ST14: variants seen among roughly 807,000 people sequenced by gnomAD.
ST14 encodes the protein suppressor of tumorigenicity 14 protein.
In ST14, 40 loss-of-function variants were observed where a neutral mutation model predicts 96.5. The observed-to-expected ratio is 0.41, with a 90% CI of 0.32 to 0.54. The LOEUF (loss-of-function observed/expected upper bound fraction) is 0.54. ST14 is among the 20% of genes least tolerant of loss of function. ST14 has a pLI of 0.17. For synonymous variants in ST14, 506 were observed against 492.1 expected (o/e 1.03, Z -0.37); for missense variants, 1,066 against 1,188.9 (o/e 0.90, Z 1.52).
chr11:130,168,513 G>A (rs1185529030), intron 1 of ST14, among the ~76,000 whole-genome samples: 4 of 152,194 alleles, frequency 2.6e-5, no homozygotes, highest in African/African-American at 9.6e-5. Context: ...TAGTGCAGAG[G>A]TGATTGCAGT....
chr11:130,198,812 C>T, intron 14 of ST14, 135 bp from the exon 15 acceptor site: 1 of 1,565,626 alleles, frequency 6.4e-7, no homozygotes. Context: ...GGCAGGGAGG[C>T]CAGTGGGCGT....
At chr11:130,198,463 C>T (rs773817708) in intron 13 of ST14, 45 bp downstream of exon 13, 23 of 1,612,086 alleles carry the variant, frequency 1.4e-5, no homozygotes, top group African/African-American at 5.3e-5. Flanking sequence ...GTGGGCGGGG[C>T]GACTGACGGT....
At chr11:130,201,383 G>A (rs1008283575) in intron 16 of ST14, among the ~76,000 whole-genome samples, 1 of 152,260 alleles carries the variant, frequency 6.6e-6, no homozygotes, top group Admixed American at 6.5e-5. Context: ...GCAGCTCCAG[G>A]AGCAGGTGAC....
intron 5 of ST14, 94 bp downstream of exon 5, chr11:130,189,990 G>C (rs1953279015): frequency 6.2e-7 from 1 of 1,610,480 alleles, no homozygotes; most frequent in Non-Finnish European, 8.5e-7. Flanking sequence ...GGCACTCCCA[G>C]GGCCCAGTGC....
At position 130,196,556 on chromosome 11, in the gene ST14, C is replaced by CA. The variant is rs1953367020; in HGVS notation, c.1224-14_1224-13insA. ...AGCTGTCCCTCCTCACCTTGTGCCC[C>CA]GCCCCCCCTCCAGATACTGCGGAGA... is the stretch of plus-strand genomic sequence containing the variant. On this transcript the variant is annotated splice_polypyrimidine_tract_variant and intron_variant, in intron 10 of 18. Coordinates refer to ENST00000278742, the MANE Select transcript of ST14 (RefSeq NM_021978.4). 4 of 1,491,040 alleles carry CA rather than the reference C, an allele frequency of 2.7e-6. No homozygotes were observed. The highest frequency in any genetic ancestry group is 2.4e-5 in the East Asian group (1 of 41,138). 92.4% of individuals were successfully genotyped at this position (1,491,040 alleles called of 1,614,324 possible). A position where few individuals can be genotyped will look rare whatever the true frequency, so the allele number is the denominator to read the frequency against.
chr11:130,196,692 C>G lies in ST14; in HGVS notation c.1346C>G (p.Ser449Cys). The change falls in exon 11 of 19, where the codon TCC becomes TGC. Residue 449 changes from serine (S) to cysteine (C), a missense_variant. Coordinates refer to ENST00000278742, the MANE Select transcript of ST14 (RefSeq NM_021978.4). ...TTAGCTGAATACCTCTCCTACGACT[C>G]CAGTGACCGTGAGTGAACATTGTTG... ...GFLAEYLSYD[S>C]SDPCPGQFTC... 1 of 1,614,230 alleles carries G rather than the reference C, an allele frequency of 6.2e-7. No individual in the cohort carries two copies. Among genetic ancestry groups the G allele is most frequent in the Non-Finnish European group, 8.5e-7 (1 of 1,180,054 alleles).
At chr11:130,203,064 C>CA (rs1405660973) in intron 16 of ST14, among the ~76,000 whole-genome samples, 6 of 152,294 alleles carry the variant, frequency 3.9e-5, no homozygotes, top group African/African-American at 1.4e-4. Context: ...CAAATACTGT[C>CA]AGACTTACCG....
At chr11:130,161,898 T>C (rs1014402877) in intron 1 of ST14, among the ~76,000 whole-genome samples, 3 of 152,178 alleles carry the variant, frequency 2.0e-5, no homozygotes, top group African/African-American at 7.2e-5. Context: ...AATGCCAAAG[T>C]TAGCTGTGAG....
At position 130,198,631 on chromosome 11, in the gene ST14, G is replaced by T; in HGVS notation, c.1684+10G>T. 1.2e-6 allele frequency: 2 copies of T among 1,608,212 alleles called. No homozygotes were observed. Among genetic ancestry groups the T allele is most frequent in the Non-Finnish European group, 1.7e-6 (2 of 1,175,588 alleles). ...GCCTCCTGCCCCAAGGGTGAGGCCC[G>T]CCCCACCCATCTTCCTGTTGGGGGC... On this transcript the variant is annotated intron_variant, in intron 14 of 18. Transcript: ENST00000278742.
intron 1 of ST14, among the ~76,000 whole-genome samples, chr11:130,178,330 C>T (rs1213937264): frequency 6.4e-5 from 6 of 94,176 alleles, no homozygotes; most frequent in Non-Finnish European, 1.1e-4. Context: ...GTGCTTATCA[C>T]GAATGACAGC....
intron 16 of ST14, 145 bp downstream of exon 16, chr11:130,200,282 C>T (rs531993509): frequency 3.8e-5 from 35 of 929,506 alleles, no homozygotes; most frequent in Non-Finnish European, 5.6e-5. Context: ...AAAGAAATAC[C>T]TGAGACTGGG....
At chr11:130,199,105 T>A in intron 15 of ST14, 36 bp downstream of exon 15, 1 of 1,603,458 alleles carries the variant, frequency 6.2e-7, no homozygotes, top group South Asian at 1.1e-5. Flanking sequence ...GTGCAGGTTG[T>A]TCACTGTGTG....
rs764600298 is a variant in ST14, at chr11:130,183,831, A to C, written c.82-4283A>C. ...ATGCCAGTACAAAGACAGCTACGGG[A>C]GTGTTTCTAGCAGCTCTGTTTGTAA... On this transcript the variant is annotated intron_variant, in intron 1 of 18. Coordinates refer to ENST00000278742, the MANE Select transcript of ST14 (RefSeq NM_021978.4). Among the ~76,000 whole-genome samples the C allele has an allele frequency of 2.9e-4, 44 of 152,294 alleles. No homozygotes were observed. In the Middle Eastern group the frequency reaches 0.014, roughly 47 times the overall value.
chr11:130,176,668 T>G (rs372299156), intron 1 of ST14, among the ~76,000 whole-genome samples: 1 of 150,870 alleles, frequency 6.6e-6, no homozygotes. Flanking sequence ...GATTACAGGC[T>G]TGAGCCACCG....
chr11:130,195,943 G>C (rs563364407), intron 9 of ST14, among the ~76,000 whole-genome samples: 1 of 151,600 alleles, frequency 6.6e-6, no homozygotes, highest in Admixed American at 6.6e-5. Flanking sequence ...GATCACCTGA[G>C]GTCAGGAGTT....
chr11:130,164,437 T>TTA (rs1953025666), intron 1 of ST14, among the ~76,000 whole-genome samples: 1 of 151,714 alleles, frequency 6.6e-6, no homozygotes, highest in Non-Finnish European at 1.5e-5. Context: ...TTTTTTTTTT[T>TTA]TAGACAGGGT....
intron 1 of ST14, among the ~76,000 whole-genome samples, chr11:130,164,904 ATGT>A (rs910442153): frequency 4.0e-5 from 6 of 151,392 alleles, no homozygotes; most frequent in Non-Finnish European, 7.4e-5. Context: ...TGCACGGCTA[ATGT>A]TGTATTTTTA....
At position 130,188,137 on chromosome 11, in the gene ST14, C is replaced by T. The variant is rs369138321; in HGVS notation, c.105C>T (p.Gly35=). 182 of 1,614,026 alleles carry T rather than the reference C, an allele frequency of 1.1e-4. No individual in the cohort carries two copies. The highest frequency in any genetic ancestry group is 2.5e-4 in the East Asian group (11 of 44,886). ...RHEKVNGLEE[G]VEFLPVNNVK... is the part of the protein sequence containing the mutation. ...AGAAAGTGAATGGCTTGGAGGAAGG[C>T]GTGGAGTTCCTGCCAGTCAACAACG... is the stretch of plus-strand genomic sequence containing the variant. The change falls in exon 2 of 19, where the codon GGC becomes GGT. Residue 35 remains glycine (G), a synonymous_variant. Coordinates refer to ENST00000278742, the MANE Select transcript of ST14 (RefSeq NM_021978.4). The surrounding 1 kb of genome is among the most constrained non-coding windows in gnomAD (Gnocchi z 5.4).
intron 7 of ST14, among the ~76,000 whole-genome samples, chr11:130,191,223 A>T (rs1953295580): frequency 6.7e-6 from 1 of 148,642 alleles, no homozygotes; most frequent in Admixed American, 6.7e-5. Context: ...GCGCATGCCT[A>T]CTCAGGAGGC....
Sources: allele counts gnomAD v4.1 joint callset (sites outside exome capture counted in the v4.1 genomes callset), GRCh38; gene constraint gnomAD v4.1.1; non-coding constraint Gnocchi (gnomAD v3.1); transcripts MANE v1.5; gene names NCBI Gene and HGNC (gene_info 2026-07-23, HGNC 2026-07-21).